ZPBP: variants seen among roughly 807,000 people sequenced by gnomAD.
ZPBP encodes zona pellucida binding protein.
In ZPBP, 26 loss-of-function variants were observed where a neutral mutation model predicts 44.8. The observed-to-expected ratio is 0.58, with a 90% CI of 0.43 to 0.81. The LOEUF is 0.81. ZPBP is among the 30% of genes least tolerant of loss of function. The pLI is 0.00. For missense variants in ZPBP, 409 were observed against 434.0 expected, an observed-to-expected ratio of 0.94 and a Z score of 0.51; for synonymous variants, 174 against 153.2, an observed-to-expected ratio of 1.14 and a Z score of -1.00.
At chr7:49,886,960 G>C (rs545887455) in intron 2 of ZPBP, among the ~76,000 whole-genome samples, 79 of 150,916 alleles carry the variant, frequency 5.2e-4, no homozygotes, top group Middle Eastern at 6.8e-3. Flanking sequence ...CTTTTGACTT[G>C]TCTTGTTTGC....
chr7:49,894,595 C>G (rs547741710), intron 2 of ZPBP, among the ~76,000 whole-genome samples: 1 of 152,342 alleles, frequency 6.6e-6, no homozygotes, highest in East Asian at 1.9e-4. Flanking sequence ...ATACTGAGCT[C>G]TAGCTCTGTG....
chr7:49,953,996 T>C (rs1309579162), intron 7 of ZPBP, among the ~76,000 whole-genome samples: 1 of 151,800 alleles, frequency 6.6e-6, no homozygotes, highest in Non-Finnish European at 1.5e-5. Context: ...CACTAAATAG[T>C]CGAAAAAAAT....
chr7:49,910,819 T>C (rs1430936679), intron 1 of ZPBP, among the ~76,000 whole-genome samples: 3 of 152,118 alleles, frequency 2.0e-5, no homozygotes, highest in Admixed American at 6.5e-5. Context: ...CTTCTCAAAG[T>C]GTATCCCCAA....
chr7:49,910,777 AAGAT>A (rs936653189), intron 1 of ZPBP, among the ~76,000 whole-genome samples: 2 of 152,170 alleles, frequency 1.3e-5, no homozygotes, highest in African/African-American at 4.8e-5. Flanking sequence ...AAAACTGTGA[AAGAT>A]AGACTCCTGC....
chr7:49,843,157 A>T, the ZPBP span, among the ~76,000 whole-genome samples: 1 of 152,228 alleles, frequency 6.6e-6, no homozygotes, highest in East Asian at 1.9e-4. Context: ...TACAAGTGAG[A>T]ACATGCAGTT....
intron 7 of ZPBP, among the ~76,000 whole-genome samples, chr7:49,946,094 T>TA (rs1358339788): frequency 2.0e-5 from 3 of 152,156 alleles, no homozygotes; most frequent in Admixed American, 6.6e-5. Context: ...AGAAAACTAG[T>TA]AAAAAACTCT....
chr7:49,844,053 C>T, the ZPBP span, among the ~76,000 whole-genome samples: 1 of 152,130 alleles, frequency 6.6e-6, no homozygotes, highest in African/African-American at 2.4e-5. Context: ...TGAAGGTTGG[C>T]AGCACAGGAG....
At chr7:49,976,216 T>C (rs1796511120) in intron 7 of ZPBP, among the ~76,000 whole-genome samples, 1 of 152,370 alleles carries the variant, frequency 6.6e-6, no homozygotes, top group South Asian at 2.1e-4. Context: ...TCAATATTTA[T>C]TTACATTTAT....
intron 2 of ZPBP, among the ~76,000 whole-genome samples, chr7:49,881,747 A>G (rs575810807): frequency 8.5e-5 from 13 of 152,252 alleles, no homozygotes; most frequent in African/African-American, 3.1e-4. Context: ...TAGGCAATTC[A>G]TCTCTTTAAT....
intron 3 of ZPBP, among the ~76,000 whole-genome samples, chr7:50,076,953 C>T (rs1267759146): frequency 6.6e-6 from 1 of 151,806 alleles, no homozygotes. Context: ...CTATCCTGAG[C>T]AAAAAGAGCA....
At chr7:49,972,331 A>C (rs62445841) in intron 7 of ZPBP, among the ~76,000 whole-genome samples, 28,190 of 151,894 alleles carry the variant, frequency 0.19, 3,755 homozygotes, top group East Asian at 0.63. Flanking sequence ...TCTTTTTTGT[A>C]TAAATCCTCA....
chr7:50,001,874 G>C (rs925009452), intron 6 of ZPBP, among the ~76,000 whole-genome samples: 1 of 152,144 alleles, frequency 6.6e-6, no homozygotes, highest in Non-Finnish European at 1.5e-5. Context: ...TCAGAACTGT[G>C]AGGGTTATCC....
intron 4 of ZPBP, among the ~76,000 whole-genome samples, chr7:50,041,679 A>T (rs1331726487): frequency 6.6e-6 from 1 of 152,244 alleles, no homozygotes; most frequent in Non-Finnish European, 1.5e-5. Context: ...GGTCACCAAC[A>T]TCAAAGACCA....
intron 7 of ZPBP, among the ~76,000 whole-genome samples, chr7:49,979,075 A>C (rs1213626436): frequency 6.6e-6 from 1 of 152,058 alleles, no homozygotes; most frequent in Non-Finnish European, 1.5e-5. Flanking sequence ...AAAATCCAAA[A>C]AATAAATTTT....
At chr7:49,897,889 A>G (rs567107141) in intron 2 of ZPBP, among the ~76,000 whole-genome samples, 1 of 152,330 alleles carries the variant, frequency 6.6e-6, no homozygotes, top group South Asian at 2.1e-4. Flanking sequence ...CTCACAGTGA[A>G]TATTAGAGAA....
At chr7:49,847,948 C>T (rs893043799), downstream of ZPBP, among the ~76,000 whole-genome samples, 2 of 152,168 alleles carry the variant, frequency 1.3e-5, no homozygotes, top group African/African-American at 4.8e-5. Context: ...CTGGGAGGGG[C>T]AGTCCCTCCA....
intron 7 of ZPBP, chr7:49,942,378 G>C (rs1054075388): frequency 1.1e-5 from 2 of 178,168 alleles, no homozygotes; most frequent in African/African-American, 4.8e-5. Context: ...GATTGTTGCT[G>C]CTGTACTGCT....
chr7:49,929,397 C>T (rs972070836), intron 1 of ZPBP, among the ~76,000 whole-genome samples: 9 of 152,128 alleles, frequency 5.9e-5, no homozygotes, highest in South Asian at 4.1e-4. Context: ...CAAATCTGGC[C>T]GATGACAGCC....
rs184859129 is a variant in ZPBP, at chr7:49,981,838, A to T, written c.961+1504T>A. Reference sequence around the variant, plus strand: ...GATTATATAATTATATGAATTATATAGATTATATAATTATATGAATTATAT... The same window carrying T: ...GATTATATAATTATATGAATTATATTGATTATATAATTATATGAATTATAT... On this transcript the variant is annotated intron_variant, in intron 7 of 7. Transcript: ENST00000046087. Among the ~76,000 whole-genome samples the T allele has an allele frequency of 2.8e-4, 13 of 46,908 alleles. 1 individual carries two copies. Among genetic ancestry groups the T allele is most frequent in the African/African-American group, 1.2e-3 (12 of 10,302 alleles). 30.8% of individuals were successfully genotyped at this position (46,908 alleles called of 152,430 possible). A position where few individuals can be genotyped will look rare whatever the true frequency, so the allele number is the denominator to read the frequency against.
Sources: gnomAD v4.1 joint callset for allele counts (sites outside exome capture counted in the v4.1 genomes callset) on GRCh38, gnomAD v4.1.1 for gene constraint, MANE v1.5 for transcripts, NCBI Gene and HGNC (gene_info 2026-07-23, HGNC 2026-07-21) for gene names.